N4BP2: variants seen among roughly 807,000 people sequenced by gnomAD.
N4BP2 encodes NEDD4-binding protein 2.
In N4BP2, 91 loss-of-function variants were observed where a neutral mutation model predicts 152.8. That is an observed-to-expected ratio of 0.60 (90% CI 0.50 to 0.71). N4BP2 has a LOEUF of 0.71. Among genes scored for constraint, N4BP2 ranks in the 30% least tolerant of loss-of-function variants. N4BP2 has a pLI of 0.00. For synonymous variants in N4BP2, 646 were observed against 705.3 expected (o/e 0.92, Z 1.33); for missense variants, 1,923 against 2,059.1 (o/e 0.93, Z 1.28).
At chr4:40,136,379 T>TATCTATCTATCTATCAATC (rs1553926173) in intron 13 of N4BP2, among the ~76,000 whole-genome samples, 1 of 150,238 alleles carries the variant, frequency 6.7e-6, no homozygotes. Flanking sequence ...TCTATCTATC[T>TATCTATCTATCTATCAATC]ATCTATCTAT....
intron 12 of N4BP2, among the ~76,000 whole-genome samples, chr4:40,127,577 G>A (rs995319009): frequency 4.0e-5 from 6 of 151,746 alleles, no homozygotes; most frequent in Non-Finnish European, 7.4e-5. Context: ...AAAACATGAA[G>A]GAAATCTTAT....
At chr4:40,131,735 C>A (rs1228438452) in intron 12 of N4BP2, 66 bp from the exon 13 acceptor site, 13 of 1,146,728 alleles carry the variant, frequency 1.1e-5, no homozygotes, top group South Asian at 5.4e-5. Context: ...GTTAACCATG[C>A]CTTTGGTCAG....
chr4:40,074,399 G>A (rs1712521507), intron 2 of N4BP2, among the ~76,000 whole-genome samples: 1 of 112,544 alleles, frequency 8.9e-6, no homozygotes, highest in Admixed American at 9.4e-5. Context: ...CCCAGAGATG[G>A]CGTTTTGTCA....
chr4:40,064,088 G>A (rs903362505), intron 1 of N4BP2, among the ~76,000 whole-genome samples: 3 of 152,024 alleles, frequency 2.0e-5, no homozygotes, highest in Non-Finnish European at 4.4e-5. Context: ...GAACCACTAT[G>A]CCTGGCCTCA....
At chr4:40,185,863 C>A in the N4BP2 span, among the ~76,000 whole-genome samples, 5 of 152,138 alleles carry the variant, frequency 3.3e-5, no homozygotes, top group Non-Finnish European at 7.3e-5. Context: ...TAGTTTGAAA[C>A]CAGACCTTGC....
intron 5 of N4BP2, among the ~76,000 whole-genome samples, chr4:40,109,017 A>C (rs1432950263): frequency 6.6e-6 from 1 of 151,878 alleles, no homozygotes; most frequent in East Asian, 1.9e-4. Context: ...GGGTTTCACC[A>C]TGTTGGCCAG....
chr4:40,168,211 A>C, the N4BP2 span, among the ~76,000 whole-genome samples: 1 of 152,164 alleles, frequency 6.6e-6, no homozygotes, highest in East Asian at 1.9e-4. Flanking sequence ...GCAAGAGAGA[A>C]GGAATAAAAT....
chr4:40,117,794 C>G, intron 7 of N4BP2, 75 bp from the exon 8 acceptor site: 1 of 1,266,310 alleles, frequency 7.9e-7, no homozygotes, highest in Non-Finnish European at 1.1e-6. Flanking sequence ...TATTGTTTTC[C>G]TAGACATATG....
chr4:40,159,871 A>G (rs1033471265), downstream of N4BP2, among the ~76,000 whole-genome samples: 6 of 151,890 alleles, frequency 4.0e-5, no homozygotes, highest in Non-Finnish European at 7.4e-5. Flanking sequence ...AGGAAATCAC[A>G]GTTGTTGTTG....
Position 40,097,351 on chromosome 4 carries a change from G to A in N4BP2, c.11G>A (p.Arg4Lys). MPR[R>K]RKNLGGNPFR... ...GTTTTGGAAGTCAGAATGCCAAGGAGAAGGAAAAATCTTGGGGGAAATCCT... is the reference window on the plus strand; with the variant it reads ...GTTTTGGAAGTCAGAATGCCAAGGAAAAGGAAAAATCTTGGGGGAAATCCT... The change falls in exon 3 of 18, where the codon AGA (arginine) becomes AAA (lysine). Residue 4 changes from arginine (R) to lysine (K), a missense_variant. Arg to Lys is a conservative substitution (Grantham distance 26). Coordinates refer to ENST00000261435, the MANE Select transcript of N4BP2 (RefSeq NM_018177.6). 6.2e-7 allele frequency: 1 copy of A among 1,612,810 alleles called. No individual in the cohort carries two copies. The highest frequency in any genetic ancestry group is 8.5e-7 in the Non-Finnish European group (1 of 1,178,970).
In N4BP2 at chr4:40,102,641, C is replaced by T; in HGVS notation, c.796C>T (p.Gln266Ter). The change falls in exon 4 of 18, where the codon CAG becomes TAG. Residue 266 changes from glutamine to a stop codon, truncating the protein, a stop_gained. Transcript: ENST00000261435. LOFTEE classifies it high-confidence loss of function. ...AGGTTGTAGCAGTCTCAATCAAAAA[C>T]AGAAAGAACTTTTAGAATCTGAGTG... ...IAGCSSLNQKQKELLESECVE... is the reference protein window; with the variant it reads ...IAGCSSLNQK 6.2e-7 allele frequency: 1 copy of T among 1,614,188 alleles called. No homozygotes were observed. Among genetic ancestry groups the T allele is most frequent in the Non-Finnish European group, 8.5e-7 (1 of 1,180,032 alleles).
intron 1 of N4BP2, among the ~76,000 whole-genome samples, chr4:40,061,249 A>C (rs1733630848): frequency 6.6e-6 from 1 of 152,042 alleles, no homozygotes; most frequent in Admixed American, 6.6e-5. Flanking sequence ...GGCTCACTGC[A>C]ACCTCTGCCT....
At chr4:40,104,990 G>A (rs1716113684) in intron 4 of N4BP2, among the ~76,000 whole-genome samples, 1 of 152,062 alleles carries the variant, frequency 6.6e-6, no homozygotes, top group Admixed American at 6.5e-5. Context: ...TTTTAGTAGA[G>A]ATGGGGTTTC....
At chr4:40,176,143 T>C in the N4BP2 span, among the ~76,000 whole-genome samples, 15 of 151,832 alleles carry the variant, frequency 9.9e-5, no homozygotes, top group South Asian at 2.1e-4. Context: ...GATTTTCCTA[T>C]CCAGCCTCTC....
chr4:40,180,042 G>T, the N4BP2 span, among the ~76,000 whole-genome samples: 1 of 152,076 alleles, frequency 6.6e-6, no homozygotes, highest in Non-Finnish European at 1.5e-5. Flanking sequence ...GGGATTACAG[G>T]CATGAGCCAC....
At chr4:40,144,537 T>C in intron 15 of N4BP2, 95 bp from the exon 16 acceptor site, 1 of 972,868 alleles carries the variant, frequency 1.0e-6, no homozygotes. Flanking sequence ...TTATTCCCTT[T>C]TTCCCCCTTC....
At chr4:40,159,933 G>A (rs28376837), downstream of N4BP2, among the ~76,000 whole-genome samples, 2,003 of 151,988 alleles carry the variant, frequency 0.013, 49 homozygotes, top group African/African-American at 0.045. Flanking sequence ...GAGTGCAGTG[G>A]TGCAGTCTCC....
rs375678722 is a variant in N4BP2 at position 40,063,630 on chromosome 4, T to A, written c.-212+6600T>A. On this transcript the variant is annotated intron_variant, in intron 1 of 17. Transcript: ENST00000261435. ...ATCGTTTTATTGATTTATTTATTTTTAATTAAATTAATTAATTAATTAATT... is the reference window on the plus strand; with the variant it reads ...ATCGTTTTATTGATTTATTTATTTTAAATTAAATTAATTAATTAATTAATT... Among the ~76,000 whole-genome samples the A allele has an allele frequency of 2.0e-4, 31 of 152,270 alleles. No individual in the cohort carries two copies. In the East Asian group the frequency reaches 5.4e-3, roughly 27 times the overall value.
At chr4:40,178,091 C>T in the N4BP2 span, among the ~76,000 whole-genome samples, 2 of 151,976 alleles carry the variant, frequency 1.3e-5, no homozygotes, top group Non-Finnish European at 2.9e-5. Flanking sequence ...ACCCAGGAGG[C>T]GGAGGTTGCA....
Sources: gnomAD v4.1 joint callset for allele counts (sites outside exome capture counted in the v4.1 genomes callset) on GRCh38, gnomAD v4.1.1 for gene constraint, MANE v1.5 for transcripts, NCBI Gene and HGNC (gene_info 2026-07-23, HGNC 2026-07-21) for gene names.